CREBRF: variants seen among roughly 807,000 people sequenced by gnomAD.
CREBRF encodes UPF0474 protein C5orf41.
CREBRF carries 5 observed loss-of-function variants against 66.1 expected under a neutral mutation model. The observed-to-expected ratio is 0.08, with a 90% CI of 0.04 to 0.16. The LOEUF (loss-of-function observed/expected upper bound fraction) is 0.16. CREBRF is among the 10% of genes least tolerant of loss of function. CREBRF has a pLI of 1.00. For synonymous variants in CREBRF, 229 were observed against 264.4 expected, an observed-to-expected ratio of 0.87 and a Z score of 1.30; for missense variants, 531 against 744.9, an observed-to-expected ratio of 0.71 and a Z score of 3.34.
At chr5:173,099,173 T>G (rs1758553269) in intron 4 of CREBRF, among the ~76,000 whole-genome samples, 1 of 152,204 alleles carries the variant, frequency 6.6e-6, no homozygotes, top group Admixed American at 6.5e-5. Context: ...TTTATTTTTT[T>G]GAGACAGGTT....
In CREBRF at chr5:173,136,210, T is replaced by G. The variant is rs949419482; in HGVS notation, c.*2465T>G. 1 of 152,482 alleles carries G rather than the reference T, an allele frequency of 6.6e-6. No individual in the cohort carries two copies. The highest frequency in any genetic ancestry group is 2.4e-5 in the African/African-American group (1 of 41,446). The allele number at this position is 152,482 out of a possible 1,614,324, so 9.4% of individuals were successfully genotyped here. ...TCCTGTCTGCAAACCAGAATTTGAT[T>G]TTTTGGTCTTGCATTTCAAAAAAAA... On this transcript the variant is annotated 3_prime_UTR_variant, in exon 9 of 9. Coordinates refer to ENST00000296953, the MANE Select transcript of CREBRF (RefSeq NM_153607.3).
chr5:173,069,047 G>A (rs1457970863), intron 1 of CREBRF, among the ~76,000 whole-genome samples: 1 of 151,714 alleles, frequency 6.6e-6, no homozygotes. Flanking sequence ...ACTCCAGCCT[G>A]GGCGACAGAG....
chr5:173,129,408 G>A (rs980547409), intron 8 of CREBRF, among the ~76,000 whole-genome samples: 4 of 152,048 alleles, frequency 2.6e-5, no homozygotes, highest in African/African-American at 9.7e-5. Flanking sequence ...GAGCCACCGC[G>A]CCCGGCCAGT....
At chr5:173,121,565 G>A (rs1291126280) in intron 7 of CREBRF, among the ~76,000 whole-genome samples, 7 of 151,832 alleles carry the variant, frequency 4.6e-5, no homozygotes, top group East Asian at 1.9e-4. Context: ...CCCGTGATCC[G>A]CCCGCCTTGG....
intron 5 of CREBRF, 29 bp downstream of exon 5, chr5:173,108,847 G>T (rs770949667): frequency 6.3e-7 from 1 of 1,589,114 alleles, no homozygotes; most frequent in Non-Finnish European, 8.6e-7. Context: ...CAGATATTTA[G>T]TGTCACTTTA....
chr5:173,103,192 C>G (rs1466277844), intron 4 of CREBRF, among the ~76,000 whole-genome samples: 1 of 152,124 alleles, frequency 6.6e-6, no homozygotes, highest in Non-Finnish European at 1.5e-5. Context: ...TCTTCTTGGA[C>G]CTATTTGACA....
intron 1 of CREBRF, among the ~76,000 whole-genome samples, chr5:173,070,452 T>C (rs1297331829): frequency 6.6e-6 from 1 of 152,160 alleles, no homozygotes; most frequent in African/African-American, 2.4e-5. Flanking sequence ...GCATAAAATA[T>C]TTTGTTTTAC....
At chr5:173,088,605 C>A (rs2113732027) in intron 3 of CREBRF, among the ~76,000 whole-genome samples, 1 of 151,528 alleles carries the variant, frequency 6.6e-6, no homozygotes, top group Non-Finnish European at 1.5e-5. Flanking sequence ...TTGAGCAAGG[C>A]ATGTGAATGA....
At chr5:173,126,905 G>A (rs1759288254) in intron 8 of CREBRF, among the ~76,000 whole-genome samples, 2 of 152,104 alleles carry the variant, frequency 1.3e-5, no homozygotes, top group South Asian at 2.1e-4. Context: ...TCTATGTGGT[G>A]GCTGAGCACA....
Position 173,125,227 on chromosome 5 carries a change from T to C in CREBRF, c.1804+2025T>C, listed in dbSNP as rs192453026. 3.7e-3 allele frequency among the ~76,000 whole-genome samples: 568 copies of C among 152,262 alleles called. 4 individuals are homozygous for C. The highest frequency in any genetic ancestry group is 0.024 in the South Asian group (114 of 4,824). On this transcript the variant is annotated intron_variant, in intron 8 of 8. Transcript: ENST00000296953. ...CTTCATTTTTAACATTATTTCTCCT[T>C]TTTACCTTCTGTTTCTCTTAAAGCA... is the stretch of plus-strand genomic sequence containing the variant.
intron 4 of CREBRF, among the ~76,000 whole-genome samples, chr5:173,102,971 A>G (rs1758664684): frequency 6.6e-6 from 1 of 152,156 alleles, no homozygotes; most frequent in Non-Finnish European, 1.5e-5. Flanking sequence ...GTGTTGAGAG[A>G]TAAGGAGGTC....
chr5:173,127,485 G>A (rs545964910), intron 8 of CREBRF, among the ~76,000 whole-genome samples: 18 of 146,888 alleles, frequency 1.2e-4, no homozygotes, highest in Admixed American at 1.1e-3. Context: ...TTTGAGATGG[G>A]GTCTCGCTGT....
In CREBRF at chr5:173,133,921, A is replaced by G; in HGVS notation, c.*176A>G. ...ATGATCCAAAATACTTGATTATTGC[A>G]TTTTCAGAGCATAAACCATGATTAA... On this transcript the variant is annotated 3_prime_UTR_variant, in exon 9 of 9. Coordinates refer to ENST00000296953, the MANE Select transcript of CREBRF (RefSeq NM_153607.3). 2.3e-6 allele frequency: 1 copy of G among 429,958 alleles called. No homozygotes were observed. Among genetic ancestry groups the G allele is most frequent in the South Asian group, 4.0e-5 (1 of 25,242 alleles). The allele number at this position is 429,958 out of a possible 1,614,324, so 26.6% of individuals were successfully genotyped here. A position where few individuals can be genotyped will look rare whatever the true frequency, so the allele number is the denominator to read the frequency against.
chr5:173,082,715 C>T (rs1388784472), intron 2 of CREBRF, among the ~76,000 whole-genome samples: 1 of 151,288 alleles, frequency 6.6e-6, no homozygotes, highest in East Asian at 1.9e-4. Context: ...TGAAACCAGC[C>T]TGACCAACAT....
At chr5:173,133,600 T>C (rs1399165726) in intron 8 of CREBRF, 30 bp from the exon 9 acceptor site, 1 of 1,344,986 alleles carries the variant, frequency 7.4e-7, no homozygotes, top group Non-Finnish European at 1.1e-6. Flanking sequence ...CATTTTTGTG[T>C]CTAGATGTGC....
intron 1 of CREBRF, among the ~76,000 whole-genome samples, chr5:173,063,056 ATTC>A (rs1757326848): frequency 6.6e-6 from 1 of 152,028 alleles, no homozygotes. Flanking sequence ...CTGTAAAATC[ATTC>A]TTGCTAATAA....
At chr5:173,116,922 A>C (rs191408173) in intron 7 of CREBRF, among the ~76,000 whole-genome samples, 1 of 152,218 alleles carries the variant, frequency 6.6e-6, no homozygotes, top group East Asian at 1.9e-4. Flanking sequence ...TTACAAATCT[A>C]ATGGGTGTGT....
At chr5:173,131,739 T>C (rs1183212071) in intron 8 of CREBRF, among the ~76,000 whole-genome samples, 1 of 151,992 alleles carries the variant, frequency 6.6e-6, no homozygotes, top group African/African-American at 2.4e-5. Flanking sequence ...CACTTTTTTT[T>C]GTTTGTTTTT....
intron 4 of CREBRF, among the ~76,000 whole-genome samples, chr5:173,100,289 A>G (rs1326773565): frequency 2.0e-5 from 3 of 151,158 alleles, no homozygotes; most frequent in Non-Finnish European, 4.4e-5. Context: ...ATTATTTTAT[A>G]TATAGTTATT....
Sources: gnomAD v4.1 joint callset for allele counts (sites outside exome capture counted in the v4.1 genomes callset) on GRCh38, gnomAD v4.1.1 for gene constraint, MANE v1.5 for transcripts, NCBI Gene and HGNC (gene_info 2026-07-23, HGNC 2026-07-21) for gene names.